The following TMED3 variants were observed in gnomAD, a reference collection of about 807,000 sequenced individuals.
TMED3 encodes the protein transmembrane p24 trafficking protein 3, also known as transmembrane emp24 domain-containing protein 3.
Under a neutral mutation model 15.0 loss-of-function variants are expected in TMED3, and 9 were observed. That is an observed-to-expected ratio of 0.60 (90% CI 0.36 to 1.04). The LOEUF is 1.04. Among genes scored for constraint, TMED3 ranks in the 50% least tolerant of loss-of-function variants. The pLI is 0.01. For missense variants in TMED3, 267 were observed against 278.9 expected (o/e 0.96, Z 0.30); for synonymous variants, 117 against 121.4 (o/e 0.96, Z 0.24).
chr15:79,380,000 A>G (rs936252024), intron 2 of TMED3, among the ~76,000 whole-genome samples: 1 of 152,222 alleles, frequency 6.6e-6, no homozygotes, highest in African/African-American at 2.4e-5. Context: ...GAGTCAGTGT[A>G]CACTGGAGAA....
At chr15:79,393,067 C>T (rs1479989648) in intron 2 of TMED3, among the ~76,000 whole-genome samples, 1 of 152,222 alleles carries the variant, frequency 6.6e-6, no homozygotes, top group African/African-American at 2.4e-5. Flanking sequence ...TTTTCATTTT[C>T]ACCCAAGGTT....
chr15:79,350,264 A>G (rs1041543391), intron 2 of TMED3, among the ~76,000 whole-genome samples: 1 of 152,174 alleles, frequency 6.6e-6, no homozygotes, highest in African/African-American at 2.4e-5. Context: ...GTAACAGGAT[A>G]TATGTATATA....
intron 2 of TMED3, among the ~76,000 whole-genome samples, chr15:79,357,413 A>C (rs1037160348): frequency 4.0e-5 from 5 of 126,316 alleles, no homozygotes; most frequent in African/African-American, 1.2e-4. Flanking sequence ...TAAGCCTGGG[A>C]GGTTGAGGCT....
chr15:79,320,130 A>T lies in TMED3; in HGVS notation c.418-1848A>T, dbSNP rs8024560. On this transcript the variant is annotated intron_variant, in intron 2 of 2. Transcript: ENST00000299705. ...GACACTGACGCTACCGCTAGACCAC[A>T]GTCCACTTGGCAATGGGCGTCTTCC... Among the ~76,000 whole-genome samples, 11 of 152,262 alleles carry T rather than the reference A, an allele frequency of 7.2e-5. No homozygotes were observed. In the South Asian group the frequency reaches 2.1e-3, roughly 29 times the overall value.
chr15:79,371,640 C>G (rs534537280), intron 2 of TMED3, among the ~76,000 whole-genome samples: 8 of 152,278 alleles, frequency 5.3e-5, no homozygotes, highest in African/African-American at 1.9e-4. Flanking sequence ...ACAGGGGTAT[C>G]TAAACTGTCT....
At chr15:79,403,594 A>G (rs1215785919) in intron 2 of TMED3, among the ~76,000 whole-genome samples, 1 of 152,174 alleles carries the variant, frequency 6.6e-6, no homozygotes, top group East Asian at 1.9e-4. Flanking sequence ...CCCAGTTTCT[A>G]TGATAGGGAC....
intron 2 of TMED3, among the ~76,000 whole-genome samples, chr15:79,362,149 G>C (rs116973364): frequency 6.6e-6 from 1 of 151,938 alleles, no homozygotes; most frequent in African/African-American, 2.4e-5. Flanking sequence ...GATTTTTTGC[G>C]GGGGTACTTA....
intron 2 of TMED3, among the ~76,000 whole-genome samples, chr15:79,381,880 A>G (rs1209923872): frequency 6.6e-6 from 1 of 152,168 alleles, no homozygotes; most frequent in African/African-American, 2.4e-5. Context: ...CTGGGGTCTT[A>G]ATGCTGTCAG....
At chr15:79,341,613 G>A (rs949880608) in intron 2 of TMED3, among the ~76,000 whole-genome samples, 1 of 152,150 alleles carries the variant, frequency 6.6e-6, no homozygotes, top group Non-Finnish European at 1.5e-5. Flanking sequence ...AGCCCAGTAG[G>A]CTGCGGAACA....
intron 2 of TMED3, among the ~76,000 whole-genome samples, chr15:79,358,531 C>G (rs1893060826): frequency 6.6e-6 from 1 of 152,064 alleles, no homozygotes; most frequent in African/African-American, 2.4e-5. Flanking sequence ...GGGGTGGAGT[C>G]TGTCTCTTGT....
chr15:79,324,337 A>G (rs905031835), downstream of TMED3, among the ~76,000 whole-genome samples: 2 of 152,226 alleles, frequency 1.3e-5, no homozygotes, highest in African/African-American at 4.8e-5. Flanking sequence ...TAAACAGCAT[A>G]TGAAACATTT....
intron 2 of TMED3, among the ~76,000 whole-genome samples, chr15:79,339,734 G>A (rs2058843224): frequency 6.6e-6 from 1 of 151,996 alleles, no homozygotes; most frequent in Non-Finnish European, 1.5e-5. Context: ...TATGGTGGTG[G>A]TGATGACATG....
At chr15:79,318,511 G>T (rs1239343426) in intron 2 of TMED3, among the ~76,000 whole-genome samples, 1 of 152,170 alleles carries the variant, frequency 6.6e-6, no homozygotes, top group African/African-American at 2.4e-5. Flanking sequence ...TCAATCCTTT[G>T]TGATTTTCCA....
Position 79,327,877 on chromosome 15 carries a change from A to G in TMED3, c.417+13872A>G, listed in dbSNP as rs187282988. Among the ~76,000 whole-genome samples the G allele has an allele frequency of 2.6e-3, 393 of 152,364 alleles. 1 individual carries two copies. Among genetic ancestry groups the G allele is most frequent in the South Asian group, 4.3e-3 (21 of 4,832 alleles). ...GATCACAAGCCTTCTAAAATAAAATAGAAAATAGTTGCTTCCTTGGGGTTA... is the reference window on the plus strand; with the variant it reads ...GATCACAAGCCTTCTAAAATAAAATGGAAAATAGTTGCTTCCTTGGGGTTA... On this transcript the variant is annotated intron_variant, in intron 2 of 2. Transcript: ENST00000424155.
At chr15:79,387,037 C>T (rs1407115642) in intron 2 of TMED3, among the ~76,000 whole-genome samples, 1 of 150,480 alleles carries the variant, frequency 6.6e-6, no homozygotes, top group Non-Finnish European at 1.5e-5. Flanking sequence ...AAGCGATTCT[C>T]ATGCCACAGC....
intron 2 of TMED3, among the ~76,000 whole-genome samples, chr15:79,405,842 G>T (rs1893895676): frequency 6.6e-6 from 1 of 152,160 alleles, no homozygotes; most frequent in African/African-American, 2.4e-5. Context: ...CATTAACATT[G>T]CCCTAGAGCA....
At chr15:79,372,953 G>T (rs1051517561) in intron 2 of TMED3, among the ~76,000 whole-genome samples, 1 of 152,156 alleles carries the variant, frequency 6.6e-6, no homozygotes, top group South Asian at 2.1e-4. Context: ...TTGTTTGTCT[G>T]ATCAGCTTTA....
chr15:79,398,599 T>G (rs1214749766), intron 2 of TMED3, among the ~76,000 whole-genome samples: 1 of 152,110 alleles, frequency 6.6e-6, no homozygotes, highest in South Asian at 2.1e-4. Flanking sequence ...TGATCAGTCA[T>G]GCAGAGTTAG....
chr15:79,403,422 C>T (rs1221921237), intron 2 of TMED3, among the ~76,000 whole-genome samples: 1 of 151,898 alleles, frequency 6.6e-6, no homozygotes, highest in East Asian at 1.9e-4. Flanking sequence ...TTAGGGACCC[C>T]TCCTTCCCTA....
Sources: gnomAD v4.1 joint callset for allele counts (sites outside exome capture counted in the v4.1 genomes callset) on GRCh38, gnomAD v4.1.1 for gene constraint, MANE v1.5 for transcripts, NCBI Gene and HGNC (gene_info 2026-07-23, HGNC 2026-07-21) for gene names.